The following CNTN4 variants were observed in gnomAD, a reference collection of about 807,000 sequenced individuals.
CNTN4 encodes contactin-4.
A neutral mutation model predicts 122.5 loss-of-function variants in CNTN4; 77 were observed. That is an observed-to-expected ratio of 0.63 (90% CI 0.52 to 0.76). CNTN4 has a LOEUF of 0.76. Among genes scored for constraint, CNTN4 ranks in the 30% least tolerant of loss-of-function variants. The pLI is 0.00. For synonymous variants in CNTN4, 512 were observed against 447.0 expected (o/e 1.15, Z -1.83); for missense variants, 1,256 against 1,259.1 (o/e 1.00, Z 0.04).
intron 13 of CNTN4, among the ~76,000 whole-genome samples, chr3:2,981,443 C>CA (rs573163872): frequency 2.0e-5 from 3 of 151,584 alleles, no homozygotes; most frequent in East Asian, 1.9e-4. Flanking sequence ...GACTCCGTCT[C>CA]AAAAAACAAA....
At chr3:2,783,425 T>G (rs1392495080) in intron 6 of CNTN4, among the ~76,000 whole-genome samples, 1 of 152,202 alleles carries the variant, frequency 6.6e-6, no homozygotes, top group African/African-American at 2.4e-5. Context: ...TACCTATTGT[T>G]TTCACAGGGT....
intron 4 of CNTN4, among the ~76,000 whole-genome samples, chr3:2,684,632 TAA>T (rs1024555762): frequency 1.3e-5 from 2 of 152,192 alleles, no homozygotes; most frequent in Admixed American, 6.6e-5. Flanking sequence ...TAGATTTAGC[TAA>T]AGAGTATCAG....
intron 3 of CNTN4, among the ~76,000 whole-genome samples, chr3:2,368,801 G>A (rs2045517384): frequency 6.6e-6 from 1 of 152,160 alleles, no homozygotes; most frequent in African/African-American, 2.4e-5. Flanking sequence ...TTAACTTACA[G>A]CCACATCTCA....
At chr3:2,232,249 A>G (rs966652954) in intron 2 of CNTN4, among the ~76,000 whole-genome samples, 57 of 152,272 alleles carry the variant, frequency 3.7e-4, no homozygotes, top group Middle Eastern at 3.4e-3. Flanking sequence ...AATAATTAGT[A>G]TAATTATTAA....
intron 6 of CNTN4, among the ~76,000 whole-genome samples, chr3:2,778,782 T>A (rs1000168207): frequency 6.6e-6 from 1 of 152,160 alleles, no homozygotes; most frequent in African/African-American, 2.4e-5. Flanking sequence ...TAGCTGACTT[T>A]TAATGAGAAT....
chr3:2,424,871 T>C (rs1448341492), intron 3 of CNTN4, among the ~76,000 whole-genome samples: 1 of 152,228 alleles, frequency 6.6e-6, no homozygotes, highest in Non-Finnish European at 1.5e-5. Context: ...CTTTCTTCTT[T>C]TGAGAAGTGT....
intron 2 of CNTN4, among the ~76,000 whole-genome samples, chr3:2,250,254 A>C (rs563021036): frequency 6.6e-6 from 1 of 152,104 alleles, no homozygotes; most frequent in South Asian, 2.1e-4. Flanking sequence ...AAGAGATTCT[A>C]CATTTTCCCT....
At chr3:2,753,564 A>G (rs1280439893) in intron 6 of CNTN4, among the ~76,000 whole-genome samples, 1 of 152,236 alleles carries the variant, frequency 6.6e-6, no homozygotes, top group East Asian at 1.9e-4. Flanking sequence ...GGACCAGCAT[A>G]GGAACCTGGT....
At chr3:2,581,254 C>G (rs2079924604) in intron 4 of CNTN4, among the ~76,000 whole-genome samples, 1 of 152,096 alleles carries the variant, frequency 6.6e-6, no homozygotes, top group African/African-American at 2.4e-5. Context: ...GGAATTATTT[C>G]TCAGCTAAAG....
At chr3:2,875,006 A>G (rs2093827134) in intron 8 of CNTN4, among the ~76,000 whole-genome samples, 1 of 152,050 alleles carries the variant, frequency 6.6e-6, no homozygotes, top group Non-Finnish European at 1.5e-5. Context: ...TTTTTGAGAT[A>G]GAGTCTGTCT....
chr3:2,627,564 G>C (rs576453945), intron 4 of CNTN4, among the ~76,000 whole-genome samples: 3 of 150,108 alleles, frequency 2.0e-5, no homozygotes, highest in Non-Finnish European at 4.4e-5. Flanking sequence ...CGCAATCTCG[G>C]CTCACTGCAA....
intron 6 of CNTN4, among the ~76,000 whole-genome samples, chr3:2,817,775 T>C (rs2092772002): frequency 6.6e-6 from 1 of 152,238 alleles, no homozygotes; most frequent in Non-Finnish European, 1.5e-5. Context: ...TCTAAGAACC[T>C]ATATGCAGAA....
intron 10 of CNTN4, among the ~76,000 whole-genome samples, chr3:2,887,899 G>A (rs2093996878): frequency 6.6e-6 from 1 of 152,166 alleles, no homozygotes; most frequent in African/African-American, 2.4e-5. Context: ...GGATTTCATT[G>A]GATAGGCATT....
chr3:2,932,631 T>C (rs2094531377), intron 13 of CNTN4, among the ~76,000 whole-genome samples: 1 of 152,064 alleles, frequency 6.6e-6, no homozygotes, highest in Non-Finnish European at 1.5e-5. Context: ...TAGAGGTTTA[T>C]TTCGCCAGGG....
At chr3:2,383,760 CTCCCTCTCCTCTCCCT>C (rs779402786) in intron 3 of CNTN4, among the ~76,000 whole-genome samples, 237 of 150,278 alleles carry the variant, frequency 1.6e-3, no homozygotes, top group Middle Eastern at 3.4e-3. Context: ...CTCCTCTCTT[CTCCCTCTCCTCTCCCT>C]TCCCTCTCCC....
At chr3:2,463,934 C>G (rs1169311106) in intron 3 of CNTN4, among the ~76,000 whole-genome samples, 2 of 152,060 alleles carry the variant, frequency 1.3e-5, no homozygotes, top group African/African-American at 2.4e-5. Flanking sequence ...AGAACCAGAA[C>G]AAGTGTGTTA....
intron 3 of CNTN4, among the ~76,000 whole-genome samples, chr3:2,403,702 A>G (rs2046936450): frequency 2.0e-5 from 3 of 152,222 alleles, no homozygotes; most frequent in Non-Finnish European, 2.9e-5. Context: ...AACTACAAAG[A>G]ACTTTCATTT....
intron 7 of CNTN4, among the ~76,000 whole-genome samples, chr3:2,831,911 A>T (rs144238841): frequency 6.6e-6 from 1 of 152,318 alleles, no homozygotes; most frequent in East Asian, 1.9e-4. Context: ...CACGCAAACC[A>T]GAGTATGCTT....
At chr3:2,927,715 C>G (rs1036312023) in intron 13 of CNTN4, 4 of 153,976 alleles carry the variant, frequency 2.6e-5, no homozygotes, top group Non-Finnish European at 5.8e-5. Context: ...TGTCTTTATC[C>G]AGATTTCATT....
Sources: allele counts gnomAD v4.1 joint callset (sites outside exome capture counted in the v4.1 genomes callset), GRCh38; gene constraint gnomAD v4.1.1; transcripts MANE v1.5; gene names NCBI Gene and HGNC (gene_info 2026-07-23, HGNC 2026-07-21).